The following MYLK variants were observed in gnomAD, a reference collection of about 807,000 sequenced individuals.
MYLK encodes myosin light chain kinase.
A neutral mutation model predicts 203.4 loss-of-function variants in MYLK; 106 were observed. The ratio of observed to expected loss-of-function variants is 0.52; its 90% CI spans 0.45 to 0.61. The LOEUF is 0.61. MYLK is among the 20% of genes least tolerant of loss of function. The pLI is 0.00. For synonymous variants in MYLK, 867 were observed against 959.5 expected, an observed-to-expected ratio of 0.90 and a Z score of 1.78; for missense variants, 2,072 against 2,442.3, an observed-to-expected ratio of 0.85 and a Z score of 3.20.
Position 123,629,651 on chromosome 3 carries a change from A to C in MYLK, c.4962-25T>G. 6.2e-7 allele frequency: 1 copy of C among 1,613,054 alleles called. No individual in the cohort carries two copies. Among genetic ancestry groups the C allele is most frequent in the Non-Finnish European group, 8.5e-7 (1 of 1,179,952 alleles). ...TCTGGAGAGACAAGAGCAGGACAGC[A>C]GGTGTGGCTAGGAGAGGGCGCGACG... On this transcript the variant is annotated intron_variant, in intron 29 of 33. Coordinates refer to ENST00000360304, the MANE Select transcript of MYLK (RefSeq NM_053025.4). The surrounding 1 kb of genome is among the most constrained non-coding windows in gnomAD (Gnocchi z 4.4).
chr3:123,617,432 AC>A (rs780688144), intron 33 of MYLK: 9 of 152,326 alleles, frequency 5.9e-5, no homozygotes, highest in South Asian at 4.1e-4. Context: ...CAGCACATCC[AC>A]TTTCTTTTAA....
At chr3:123,724,739 CTTTCATTTA>C (rs1285340609) in intron 12 of MYLK, among the ~76,000 whole-genome samples, 2 of 30,284 alleles carry the variant, frequency 6.6e-5, no homozygotes, top group Non-Finnish European at 1.7e-4. Flanking sequence ...CTTGCTCGCT[CTTTCATTTA>C]TTTATTTATT....
chr3:123,747,440 G>C (rs1033269936), intron 5 of MYLK, among the ~76,000 whole-genome samples: 2 of 152,156 alleles, frequency 1.3e-5, no homozygotes, highest in African/African-American at 4.8e-5. Flanking sequence ...TCTGGGAGGG[G>C]AGAGCCAGGC....
At chr3:123,805,202 C>A (rs927789569) in intron 3 of MYLK, among the ~76,000 whole-genome samples, 1 of 152,194 alleles carries the variant, frequency 6.6e-6, no homozygotes, top group Non-Finnish European at 1.5e-5. Flanking sequence ...GAGAATGAGA[C>A]ATGAGCCAAC....
chr3:123,753,866 T>C (rs1257984688), intron 4 of MYLK, among the ~76,000 whole-genome samples: 1 of 152,178 alleles, frequency 6.6e-6, no homozygotes, highest in Non-Finnish European at 1.5e-5. Context: ...TATCCATGTA[T>C]TCACTTCAAG....
intron 13 of MYLK, among the ~76,000 whole-genome samples, chr3:123,716,730 G>A (rs1386431301): frequency 3.3e-5 from 5 of 152,188 alleles, no homozygotes; most frequent in East Asian, 1.9e-4. Context: ...TCAATCCTGC[G>A]ATTCTGGATA....
chr3:123,817,184 G>A (rs1171890268), intron 3 of MYLK, among the ~76,000 whole-genome samples: 1 of 152,192 alleles, frequency 6.6e-6, no homozygotes, highest in Non-Finnish European at 1.5e-5. Flanking sequence ...ATCTAGGATA[G>A]CAGAGATATT....
intron 4 of MYLK, among the ~76,000 whole-genome samples, chr3:123,754,942 A>G (rs1033090778): frequency 6.6e-6 from 1 of 152,242 alleles, no homozygotes; most frequent in African/African-American, 2.4e-5. Context: ...ATGCGCCCAT[A>G]TAAAATCATG....
chr3:123,723,422 A>G (rs2108745938), intron 12 of MYLK, among the ~76,000 whole-genome samples: 1 of 152,326 alleles, frequency 6.6e-6, no homozygotes, highest in Middle Eastern at 3.4e-3. Context: ...TGCCACTGAG[A>G]GAAGTGAGCA....
At chr3:123,873,484 T>C (rs1278274075) in intron 2 of MYLK, among the ~76,000 whole-genome samples, 1 of 152,108 alleles carries the variant, frequency 6.6e-6, no homozygotes, top group Non-Finnish European at 1.5e-5. Context: ...GAAATTGGAA[T>C]TGAATAAATA....
chr3:123,724,822 G>A (rs1425135342), intron 12 of MYLK, among the ~76,000 whole-genome samples: 2 of 152,094 alleles, frequency 1.3e-5, no homozygotes, highest in Non-Finnish European at 2.9e-5. Flanking sequence ...TCGGCTCACT[G>A]CAACCTCTGG....
intron 2 of MYLK, among the ~76,000 whole-genome samples, chr3:123,860,824 T>A (rs2031825635): frequency 6.6e-6 from 1 of 152,122 alleles, no homozygotes; most frequent in East Asian, 1.9e-4. Context: ...GGGGGCCATA[T>A]TTAGGTAAAA....
chr3:123,720,370 G>A (rs2108729834), intron 13 of MYLK, among the ~76,000 whole-genome samples: 1 of 152,276 alleles, frequency 6.6e-6, no homozygotes. Context: ...GGCAAGCCAG[G>A]ACAGACATTG....
chr3:123,734,008 TG>T lies in MYLK; in HGVS notation c.987del (p.Arg330GlufsTer66). On this transcript the variant is annotated frameshift_variant, in exon 10 of 34. Transcript: ENST00000360304. LOFTEE classifies it high-confidence loss of function. ...ESKLESCKDS[P>X]RTAPQTPVLQ... is the part of the protein sequence containing the mutation. The stretch of plus-strand genomic sequence containing the variant: ...AGGACCGGGGTCTGCGGGGCCGTTC[TG>T]GGCGAGTCCTTGCATGACTCCAGCT... The T allele has an allele frequency of 6.2e-7, 1 of 1,614,216 alleles. No homozygotes were observed. Among genetic ancestry groups the T allele is most frequent in the Admixed American group, 1.7e-5 (1 of 60,028 alleles).
At chr3:123,856,156 G>C (rs190885116) in intron 2 of MYLK, among the ~76,000 whole-genome samples, 49 of 152,252 alleles carry the variant, frequency 3.2e-4, no homozygotes, top group Non-Finnish European at 1.5e-5. Context: ...CACCTAGTTT[G>C]GAATCAACAA....
intron 13 of MYLK, among the ~76,000 whole-genome samples, chr3:123,714,278 G>T (rs1178218005): frequency 6.6e-6 from 1 of 152,220 alleles, no homozygotes; most frequent in Non-Finnish European, 1.5e-5. Context: ...TGCTGGTGGG[G>T]TCCTGGTCTG....
chr3:123,672,211 AG>A (rs2059936416), intron 20 of MYLK, among the ~76,000 whole-genome samples: 2 of 145,130 alleles, frequency 1.4e-5, no homozygotes, highest in Non-Finnish European at 3.0e-5. Flanking sequence ...GGGGGAGGAG[AG>A]AGAGAGAGAG....
chr3:123,797,496 C>T (rs1265771443), intron 3 of MYLK, among the ~76,000 whole-genome samples: 2 of 152,172 alleles, frequency 1.3e-5, no homozygotes, highest in African/African-American at 4.8e-5. Context: ...TCCCACATAG[C>T]TACCCAGGAC....
intron 3 of MYLK, among the ~76,000 whole-genome samples, chr3:123,816,680 T>C (rs894346304): frequency 1.3e-5 from 2 of 152,188 alleles, no homozygotes; most frequent in African/African-American, 4.8e-5. Context: ...ATGCCAATAA[T>C]AGAAATATGG....
Sources: gnomAD v4.1 joint callset for allele counts (sites outside exome capture counted in the v4.1 genomes callset) on GRCh38, gnomAD v4.1.1 for gene constraint, Gnocchi (gnomAD v3.1) non-coding constraint, MANE v1.5 for transcripts, NCBI Gene and HGNC (gene_info 2026-07-23, HGNC 2026-07-21) for gene names.